Variants in ARK2C observed in about 807,000 individuals in gnomAD.
ARK2C encodes arkadia (RNF111) C-terminal like ring finger ubiquitin ligase 2C, also known as E3 ubiquitin-protein ligase ARK2C.
chr18:46,417,612 C>T, the ARK2C span, among the ~76,000 whole-genome samples: 1 of 152,364 alleles, frequency 6.6e-6, no homozygotes, highest in African/African-American at 2.4e-5. Context: ...ACCTTTTCTT[C>T]TTCCTGCTTC....
At chr18:46,444,129 C>T in the ARK2C span, among the ~76,000 whole-genome samples, 15 of 151,896 alleles carry the variant, frequency 9.9e-5, no homozygotes, top group African/African-American at 3.6e-4. Flanking sequence ...ATTGTTCTTA[C>T]CTACATTCTT....
the ARK2C span, among the ~76,000 whole-genome samples, chr18:46,415,836 C>A: frequency 2.2e-4 from 34 of 152,300 alleles, no homozygotes; most frequent in African/African-American, 7.7e-4. Flanking sequence ...AAGTGATATG[C>A]TGATATGACT....
At chr18:46,354,552 G>A in the ARK2C span, among the ~76,000 whole-genome samples, 3 of 152,338 alleles carry the variant, frequency 2.0e-5, no homozygotes, top group South Asian at 6.2e-4. Context: ...TTGAGAGCTG[G>A]TTAGAATATC....
the ARK2C span, among the ~76,000 whole-genome samples, chr18:46,393,857 T>C: frequency 2.6e-5 from 4 of 152,348 alleles, no homozygotes; most frequent in East Asian, 7.7e-4. Flanking sequence ...GGTTCAAATC[T>C]TGCCTCTGCC....
At chr18:46,375,791 G>C in the ARK2C span, among the ~76,000 whole-genome samples, 1 of 152,074 alleles carries the variant, frequency 6.6e-6, no homozygotes, top group African/African-American at 2.4e-5. Context: ...GCCCTTTTGA[G>C]TGTCCCTCCA....
At chr18:46,401,005 C>A in the ARK2C span, among the ~76,000 whole-genome samples, 1 of 152,128 alleles carries the variant, frequency 6.6e-6, no homozygotes, top group Non-Finnish European at 1.5e-5. Context: ...CAAAGCTAAG[C>A]CTTGAACTGG....
At chr18:46,366,932 C>T in the ARK2C span, among the ~76,000 whole-genome samples, 1 of 152,220 alleles carries the variant, frequency 6.6e-6, no homozygotes, top group Non-Finnish European at 1.5e-5. Flanking sequence ...CTGGAAGGAA[C>T]AGATTTTCTA....
chr18:46,363,145 A>G, the ARK2C span, among the ~76,000 whole-genome samples: 2 of 152,240 alleles, frequency 1.3e-5, no homozygotes, highest in Non-Finnish European at 2.9e-5. Context: ...TGTAGACTGA[A>G]TAAATGGGAA....
the ARK2C span, chr18:46,450,391 G>C: frequency 6.2e-7 from 1 of 1,609,740 alleles, no homozygotes; most frequent in South Asian, 1.1e-5. Context: ...CCGTACGGGA[G>C]AGCTATGAGG....
chr18:46,405,300 A>G, the ARK2C span, among the ~76,000 whole-genome samples: 1 of 152,134 alleles, frequency 6.6e-6, no homozygotes, highest in African/African-American at 2.4e-5. Context: ...GCCCGTGGCC[A>G]GACAGGTTGT....
the ARK2C span, among the ~76,000 whole-genome samples, chr18:46,426,853 AT>A: frequency 6.6e-6 from 1 of 152,222 alleles, no homozygotes; most frequent in African/African-American, 2.4e-5. Flanking sequence ...TCTGGAGATT[AT>A]TTTTTAACTT....
the ARK2C span, among the ~76,000 whole-genome samples, chr18:46,354,188 T>G: frequency 6.6e-6 from 1 of 152,172 alleles, no homozygotes; most frequent in Non-Finnish European, 1.5e-5. Context: ...GGGAAGGGCA[T>G]GTATGTTAGC....
chr18:46,414,853 T>G, the ARK2C span, among the ~76,000 whole-genome samples: 1 of 152,154 alleles, frequency 6.6e-6, no homozygotes, highest in Non-Finnish European at 1.5e-5. Flanking sequence ...ATTTCACCCC[T>G]AGGAAACATT....
the ARK2C span, among the ~76,000 whole-genome samples, chr18:46,410,492 G>T: frequency 6.6e-6 from 1 of 152,198 alleles, no homozygotes; most frequent in African/African-American, 2.4e-5. Flanking sequence ...ACCATCCAGG[G>T]TTGCACTGAC....
the ARK2C span, chr18:46,334,451 C>A: frequency 1.2e-6 from 1 of 845,650 alleles, no homozygotes. This position sits in a 1 kb window ranked among gnomAD's most constrained non-coding sequence, Gnocchi z 4.4. Flanking sequence ...GGACGCAGGG[C>A]GAGCGGTGGC....
chr18:46,442,673 TC>T, the ARK2C span, among the ~76,000 whole-genome samples: 1 of 152,204 alleles, frequency 6.6e-6, no homozygotes, highest in South Asian at 2.1e-4. Context: ...ATCAAGTTAG[TC>T]GACAGTATTG....
the ARK2C span, among the ~76,000 whole-genome samples, chr18:46,416,703 G>A: frequency 2.0e-5 from 3 of 152,242 alleles, no homozygotes; most frequent in Non-Finnish European, 2.9e-5. Context: ...TCACATTGCT[G>A]CAGTCAGCTG....
the ARK2C span, among the ~76,000 whole-genome samples, chr18:46,411,057 C>T: frequency 1.4e-4 from 22 of 152,308 alleles, no homozygotes; most frequent in African/African-American, 5.3e-4. Flanking sequence ...ATAGACAAGG[C>T]AGGTAAGACA....
chr18:46,460,214 C>G, the ARK2C span: 3 of 152,368 alleles, frequency 2.0e-5, no homozygotes, highest in Non-Finnish European at 4.4e-5. Flanking sequence ...GACTTTTTTT[C>G]TTTTTTTCCT....
Sources: allele counts gnomAD v4.1 joint callset (sites outside exome capture counted in the v4.1 genomes callset), GRCh38; gene constraint gnomAD v4.1.1; non-coding constraint Gnocchi (gnomAD v3.1); transcripts MANE v1.5; gene names NCBI Gene and HGNC (gene_info 2026-07-23, HGNC 2026-07-21).